IFNAR1: variants seen among roughly 807,000 people sequenced by gnomAD.
The protein encoded by IFNAR1 is interferon alpha/beta receptor 1.
IFNAR1 carries 47 observed loss-of-function variants against 62.1 expected under a neutral mutation model. That is an observed-to-expected ratio of 0.76 (90% confidence interval 0.60 to 0.97). IFNAR1 has a LOEUF of 0.97. Ranked by LOEUF, IFNAR1 falls within the 50% of genes least tolerant of loss-of-function variation. The probability of loss-of-function intolerance (pLI) is 0.00; values close to 1 mark genes in which losing one functional copy is unlikely to be tolerated. For synonymous variants in IFNAR1, 219 were observed against 226.9 expected (o/e 0.97, Z 0.31); for missense variants, 638 against 654.5 (o/e 0.97, Z 0.27).
At chr21:33,349,903 GTGAC>G (rs1272838064) in intron 8 of IFNAR1, among the ~76,000 whole-genome samples, 6 of 151,710 alleles carry the variant, frequency 4.0e-5, no homozygotes, top group Non-Finnish European at 2.9e-5. Flanking sequence ...GGGTGACAGA[GTGAC>G]TGACAGCTTG....
chr21:33,337,704 A>ACACATTGTGTATACATACATATACT, intron 2 of IFNAR1, among the ~76,000 whole-genome samples: 1 of 141,316 alleles, frequency 7.1e-6, no homozygotes, highest in Non-Finnish European at 1.6e-5. Context: ...ATACATATAC[A>ACACATTGTGTATACATACATATACT]CACATTGTGT....
intron 2 of IFNAR1, among the ~76,000 whole-genome samples, chr21:33,339,714 G>A (rs2083275857): frequency 6.6e-6 from 1 of 151,954 alleles, no homozygotes; most frequent in South Asian, 2.1e-4. Flanking sequence ...CTGAGGTGAG[G>A]AGTTTAAGAT....
chr21:33,325,136 G>C lies in IFNAR1; in HGVS notation c.76+5G>C. 1 of 1,608,688 alleles carries C rather than the reference G, an allele frequency of 6.2e-7. No homozygotes were observed. The highest frequency in any genetic ancestry group is 1.1e-5 in the South Asian group (1 of 90,466). ...GGGTGTTGTCCGCAGCCGCAGGTGA[G>C]AGGCGGGGAGGAGAGTCTTGGCGCA... is the stretch of plus-strand genomic sequence containing the variant. On this transcript the variant is annotated splice_donor_5th_base_variant and intron_variant, in intron 1 of 10. Transcript: ENST00000270139.
At chr21:33,335,866 G>A (rs936399869) in intron 2 of IFNAR1, among the ~76,000 whole-genome samples, 1 of 150,566 alleles carries the variant, frequency 6.6e-6, no homozygotes, top group African/African-American at 2.4e-5. Context: ...GTGGTAGACA[G>A]CGTCTCTAAC....
At chr21:33,337,714 TATAC>T (rs78459434) in intron 2 of IFNAR1, among the ~76,000 whole-genome samples, 1 of 95,042 alleles carries the variant, frequency 1.1e-5, no homozygotes, top group Admixed American at 9.6e-5. Flanking sequence ...ACACATTGTG[TATAC>T]ATACATATAC....
intron 3 of IFNAR1, among the ~76,000 whole-genome samples, chr21:33,342,699 A>C (rs944086639): frequency 1.4e-5 from 2 of 146,510 alleles, no homozygotes; most frequent in Admixed American, 6.9e-5. Flanking sequence ...AAAAAAAAAA[A>C]AAAAAAAACT....
At chr21:33,331,696 A>G (rs1217756093) in intron 1 of IFNAR1, among the ~76,000 whole-genome samples, 1 of 151,986 alleles carries the variant, frequency 6.6e-6, no homozygotes, top group Non-Finnish European at 1.5e-5. Flanking sequence ...GCTTATCCCT[A>G]GCTATTCCAA....
In IFNAR1 at chr21:33,333,614, A is replaced by ATTTTTTTTT. The variant is rs59240203; in HGVS notation, c.77-1907_77-1899dup. 4.3e-4 allele frequency among the ~76,000 whole-genome samples: 46 copies of ATTTTTTTTT among 106,974 alleles called. 2 individuals are homozygous for ATTTTTTTTT. The highest frequency in any genetic ancestry group is 1.2e-3 in the African/African-American group (29 of 24,420). The allele number at this position is 106,974 out of a possible 152,430, so 70.2% of individuals were successfully genotyped here. A position where few individuals can be genotyped will look rare whatever the true frequency, so the allele number is the denominator to read the frequency against. ...CCATACTTAAAGAGACTGGCGGAAT[A>ATTTTTTTTT]TTTTTTTTTTTCTTTTTTTTTTTTT... On this transcript the variant is annotated intron_variant, in intron 1 of 10. Coordinates refer to ENST00000270139, the MANE Select transcript of IFNAR1 (RefSeq NM_000629.3).
chr21:33,357,259 C>T lies in IFNAR1; in HGVS notation c.*1710C>T, dbSNP rs532568620. 3.9e-5 allele frequency: 6 copies of T among 152,320 alleles called. No homozygotes were observed. In the East Asian group the frequency reaches 9.7e-4, roughly 25 times the overall value. 9.4% of individuals were successfully genotyped at this position (152,320 alleles called of 1,614,324 possible). On this transcript the variant is annotated 3_prime_UTR_variant, in exon 11 of 11. Coordinates refer to ENST00000270139, the MANE Select transcript of IFNAR1 (RefSeq NM_000629.3). ...CTAAGGCCAGTCTGGTTTAAGTAGT[C>T]ATTTCTGCTGAAAAAACAGATGATC... is the stretch of plus-strand genomic sequence containing the variant.
At chr21:33,352,659 A>G in intron 8 of IFNAR1, 99 bp from the exon 9 acceptor site, 2 of 601,982 alleles carry the variant, frequency 3.3e-6, no homozygotes, top group South Asian at 2.8e-5. Flanking sequence ...TACGTGGGAG[A>G]GGCCAATGTT....
At chr21:33,332,313 C>T (rs1313066084) in intron 1 of IFNAR1, among the ~76,000 whole-genome samples, 1 of 152,188 alleles carries the variant, frequency 6.6e-6, no homozygotes, top group African/African-American at 2.4e-5. Context: ...AGCTGCTTTA[C>T]CATACCACTG....
chr21:33,327,371 C>G (rs2083136111), intron 1 of IFNAR1, among the ~76,000 whole-genome samples: 1 of 152,126 alleles, frequency 6.6e-6, no homozygotes, highest in Non-Finnish European at 1.5e-5. Flanking sequence ...AGGCAGTAAT[C>G]TAAGTGTTTT....
At chr21:33,332,610 G>A (rs2083191888) in intron 1 of IFNAR1, among the ~76,000 whole-genome samples, 1 of 152,048 alleles carries the variant, frequency 6.6e-6, no homozygotes, top group Non-Finnish European at 1.5e-5. Context: ...AGAAAATACA[G>A]ATAGTTCAAT....
chr21:33,334,231 T>G (rs555891084), intron 1 of IFNAR1, among the ~76,000 whole-genome samples: 105 of 152,256 alleles, frequency 6.9e-4, no homozygotes, highest in African/African-American at 2.2e-3. Flanking sequence ...ATGATAGTAG[T>G]TGGGGACTTC....
intron 10 of IFNAR1, among the ~76,000 whole-genome samples, 187 bp downstream of exon 10, chr21:33,353,970 G>A (rs1394130677): frequency 6.6e-6 from 1 of 152,198 alleles, no homozygotes; most frequent in Non-Finnish European, 1.5e-5. Flanking sequence ...CATAGCATGA[G>A]ATAGTAATGA....
intron 6 of IFNAR1, among the ~76,000 whole-genome samples, chr21:33,347,348 T>C (rs1287981435): frequency 6.6e-6 from 1 of 152,210 alleles, no homozygotes; most frequent in Admixed American, 6.5e-5. Context: ...CAGGCTGGTC[T>C]CGAACTCCTG....
At chr21:33,339,146 G>A (rs1479214008) in intron 2 of IFNAR1, among the ~76,000 whole-genome samples, 1 of 152,152 alleles carries the variant, frequency 6.6e-6, no homozygotes, top group Non-Finnish European at 1.5e-5. Flanking sequence ...CCTGAAGTAG[G>A]AAAGACAGAT....
At position 33,325,994 on chromosome 21, in the gene IFNAR1, G is replaced by A. The variant is rs538680153; in HGVS notation, c.76+863G>A. ...AGAGGTCCATTCACATTGTTGGGGG[G>A]CTTAGAATTTTATTTTTGGTTTACT... On this transcript the variant is annotated intron_variant, in intron 1 of 10. Transcript: ENST00000270139. Among the ~76,000 whole-genome samples, 73 of 152,160 alleles carry A rather than the reference G, an allele frequency of 4.8e-4. No individual in the cohort carries two copies. The South Asian group carries it at 8.9e-3, about 19-fold the overall frequency.
In IFNAR1 at chr21:33,358,229, G is replaced by A. The variant is rs2083468149; in HGVS notation, c.*2680G>A. On this transcript the variant is annotated 3_prime_UTR_variant, in exon 11 of 11. Transcript: ENST00000270139. Reference sequence around the variant, plus strand: ...CTTGTCTTCTAGACATGAAAAGGCAGTTGCATTCCACTCTGCATTATGTTC... The same window carrying A: ...CTTGTCTTCTAGACATGAAAAGGCAATTGCATTCCACTCTGCATTATGTTC... The A allele has an allele frequency of 6.6e-6, 1 of 152,152 alleles. No individual in the cohort carries two copies. 9.4% of individuals were successfully genotyped at this position (152,152 alleles called of 1,614,324 possible).
Sources: gnomAD v4.1 joint callset for allele counts (sites outside exome capture counted in the v4.1 genomes callset) on GRCh38, gnomAD v4.1.1 for gene constraint, MANE v1.5 for transcripts, NCBI Gene and HGNC (gene_info 2026-07-23, HGNC 2026-07-21) for gene names.